The following JARID2 variants were observed in gnomAD, a reference collection of about 807,000 sequenced individuals.
JARID2 encodes jumonji and AT-rich interaction domain containing 2, also known as protein Jumonji.
JARID2 carries 21 observed loss-of-function variants against 125.6 expected under a neutral mutation model. The observed-to-expected ratio is 0.17, with a 90% CI of 0.12 to 0.24. The LOEUF is 0.24. Among genes scored for constraint, JARID2 ranks in the 10% least tolerant of loss-of-function variants. JARID2 has a pLI of 1.00. For missense variants in JARID2, 1,303 were observed against 1,639.6 expected (o/e 0.79, Z 3.55); for synonymous variants, 736 against 661.6 (o/e 1.11, Z -1.73).
chr6:15,446,117 T>C (rs1256969313), intron 3 of JARID2, among the ~76,000 whole-genome samples: 1 of 152,094 alleles, frequency 6.6e-6, no homozygotes, highest in Non-Finnish European at 1.5e-5. Flanking sequence ...ACCATGTGTG[T>C]ACTGTATTCT....
intron 12 of JARID2, chr6:15,509,152 G>C: frequency 7.8e-7 from 1 of 1,284,536 alleles, no homozygotes; most frequent in Non-Finnish European, 1.0e-6. Flanking sequence ...TTGAGGCTGG[G>C]TCCCCGCCTG....
chr6:15,473,076 T>C (rs1769155213), intron 5 of JARID2, among the ~76,000 whole-genome samples: 1 of 152,222 alleles, frequency 6.6e-6, no homozygotes, highest in South Asian at 2.1e-4. Context: ...CATATTTACA[T>C]GTTCCCGAAA....
chr6:15,414,940 TC>T (rs1766070138), intron 3 of JARID2, among the ~76,000 whole-genome samples: 1 of 152,192 alleles, frequency 6.6e-6, no homozygotes, highest in African/African-American at 2.4e-5. Context: ...TCTCTGGTTT[TC>T]CTATGCAGAG....
intron 4 of JARID2, among the ~76,000 whole-genome samples, chr6:15,460,110 G>C (rs1009547218): frequency 2.0e-5 from 3 of 152,062 alleles, no homozygotes; most frequent in African/African-American, 7.2e-5. Context: ...GCATATGCTT[G>C]GTTTTCTCCT....
chr6:15,353,258 C>T (rs1763490261), intron 1 of JARID2, among the ~76,000 whole-genome samples: 2 of 152,132 alleles, frequency 1.3e-5, no homozygotes, highest in South Asian at 2.1e-4. Context: ...GAAGTGGTAT[C>T]GCATTGCTGT....
At chr6:15,462,559 T>A (rs959506279) in intron 4 of JARID2, among the ~76,000 whole-genome samples, 1 of 152,252 alleles carries the variant, frequency 6.6e-6, no homozygotes, top group Non-Finnish European at 1.5e-5. Context: ...CAGCTCACTT[T>A]GAAGTTTTGT....
chr6:15,469,676 C>T (rs1277469200), intron 5 of JARID2, among the ~76,000 whole-genome samples: 3 of 151,640 alleles, frequency 2.0e-5, no homozygotes, highest in Middle Eastern at 3.4e-3. Flanking sequence ...AACATGAAGC[C>T]GGCATCGATG....
rs562566694 is a variant in JARID2, at chr6:15,277,330, C to T, written c.45+30746C>T. On this transcript the variant is annotated intron_variant, in intron 1 of 17. Coordinates refer to ENST00000341776, the MANE Select transcript of JARID2 (RefSeq NM_004973.4). ...ATAGAAACAGGGTCTTGCTATGTTG[C>T]CCAGGCTGGTTTGGAACTCCTGGGC... Among the ~76,000 whole-genome samples, 14 of 152,230 alleles carry T rather than the reference C, an allele frequency of 9.2e-5. No homozygotes were observed. The South Asian group carries it at 2.9e-3, about 32-fold the overall frequency.
chr6:15,372,942 C>T (rs902082076), intron 1 of JARID2, among the ~76,000 whole-genome samples: 1 of 151,582 alleles, frequency 6.6e-6, no homozygotes, highest in African/African-American at 2.4e-5. Flanking sequence ...CTCCTGACCT[C>T]GTGATCTGCC....
At chr6:15,366,992 C>T (rs1169334031) in intron 1 of JARID2, among the ~76,000 whole-genome samples, 2 of 151,878 alleles carry the variant, frequency 1.3e-5, no homozygotes, top group East Asian at 1.9e-4. Flanking sequence ...TCATTGTAGG[C>T]TTTTTTTGGT....
chr6:15,458,460 G>C (rs1183472419), intron 4 of JARID2, among the ~76,000 whole-genome samples: 2 of 152,196 alleles, frequency 1.3e-5, no homozygotes, highest in African/African-American at 4.8e-5. Context: ...CCGTTGTGAA[G>C]CAATGCTGTC....
At chr6:15,265,338 G>T (rs73726506) in intron 1 of JARID2, among the ~76,000 whole-genome samples, 1 of 148,390 alleles carries the variant, frequency 6.7e-6, no homozygotes, top group Non-Finnish European at 1.5e-5. Flanking sequence ...TGTCTCTGTA[G>T]TTCTGCATCC....
Position 15,513,325 on chromosome 6 carries a change from C to T in JARID2, c.3353C>T (p.Thr1118Met), listed in dbSNP as rs747737333. 1.4e-5 allele frequency: 23 copies of T among 1,611,846 alleles called. No homozygotes were observed. The highest frequency in any genetic ancestry group is 1.7e-4 in the Middle Eastern group (1 of 6,058). Residue 1118 changes from threonine (T) to methionine (M), a missense_variant, in exon 16 of 18, where the codon ACG becomes ATG. By Grantham distance (81) the Thr-to-Met change is moderately conservative. This residue lies in a region of JARID2 where 190 missense variants were observed against 341.4 expected (regional missense o/e 0.56). Coordinates refer to ENST00000341776, the MANE Select transcript of JARID2 (RefSeq NM_004973.4). Reference protein sequence around the residue: ...ARYGSHDGSSTVADGKKKPRK... With the variant: ...ARYGSHDGSSMVADGKKKPRK... Reference sequence around the variant, plus strand: ...TATGGCAGCCACGATGGCAGCAGCACGGTGGCGGACGGGAAGAAAAAGCCT... The same window carrying T: ...TATGGCAGCCACGATGGCAGCAGCATGGTGGCGGACGGGAAGAAAAAGCCT...
chr6:15,290,413 C>G (rs1402179620), intron 1 of JARID2, among the ~76,000 whole-genome samples: 2 of 152,100 alleles, frequency 1.3e-5, no homozygotes, highest in Admixed American at 6.5e-5. Flanking sequence ...TGTGTAATTG[C>G]TGGGCCATAA....
At chr6:15,402,562 C>CA (rs201064702) in intron 2 of JARID2, among the ~76,000 whole-genome samples, 94 of 150,790 alleles carry the variant, frequency 6.2e-4, no homozygotes, top group East Asian at 1.7e-3. Context: ...GAAAAAATCT[C>CA]AAAAAAAAAT....
chr6:15,342,529 A>G (rs1007294196), intron 1 of JARID2, among the ~76,000 whole-genome samples: 2 of 152,220 alleles, frequency 1.3e-5, no homozygotes, highest in Non-Finnish European at 2.9e-5. Flanking sequence ...AATTAGTTTG[A>G]TCTAATTCTG....
chr6:15,252,773 C>A (rs545154882), intron 1 of JARID2, among the ~76,000 whole-genome samples: 1 of 152,174 alleles, frequency 6.6e-6, no homozygotes, highest in African/African-American at 2.4e-5. Context: ...TTCCGTCCTC[C>A]AGATAACTGT....
chr6:15,330,391 T>G (rs1464835841), intron 1 of JARID2, among the ~76,000 whole-genome samples: 1 of 152,252 alleles, frequency 6.6e-6, no homozygotes, highest in African/African-American at 2.4e-5. Context: ...GTTGATCCAC[T>G]TGTGTGGCCA....
intron 1 of JARID2, among the ~76,000 whole-genome samples, chr6:15,347,748 C>T (rs1384813464): frequency 1.3e-5 from 2 of 152,134 alleles, no homozygotes; most frequent in Non-Finnish European, 2.9e-5. Context: ...GAGCGGATCT[C>T]GCTCTGTCAC....
Sources: gnomAD v4.1 joint callset for allele counts (sites outside exome capture counted in the v4.1 genomes callset) on GRCh38, gnomAD v4.1.1 for gene constraint, gnomAD v4.1.1 regional missense constraint, MANE v1.5 for transcripts, NCBI Gene and HGNC (gene_info 2026-07-23, HGNC 2026-07-21) for gene names.